MYO9B: variants seen among roughly 807,000 people sequenced by gnomAD.
MYO9B encodes the protein myosin IXB, also known as unconventional myosin-IXb.
A neutral mutation model predicts 229.5 loss-of-function variants in MYO9B; 71 were observed. The ratio of observed to expected loss-of-function variants is 0.31; its 90% CI spans 0.26 to 0.38. MYO9B has a LOEUF of 0.38. Among genes scored for constraint, MYO9B ranks in the 10% least tolerant of loss-of-function variants. MYO9B has a pLI of 1.00. For synonymous variants in MYO9B, 1,185 were observed against 1,235.8 expected, an observed-to-expected ratio of 0.96 and a Z score of 0.86; for missense variants, 2,255 against 2,920.5, an observed-to-expected ratio of 0.77 and a Z score of 5.25.
chr19:17,106,894 C>T lies in MYO9B; in HGVS notation c.840+4337C>T, dbSNP rs145215495. 1.7e-3 allele frequency among the ~76,000 whole-genome samples: 252 copies of T among 152,250 alleles called. 1 individual carries two copies. Among genetic ancestry groups the T allele is most frequent in the African/African-American group, 5.9e-3 (244 of 41,542 alleles). ...CCTGGCAAACATGGTGAAACCCCGT[C>T]TCTACTAAAAATACAAAAATTAGCC... On this transcript the variant is annotated intron_variant, in intron 2 of 39. Coordinates refer to ENST00000682292, the MANE Select transcript of MYO9B (RefSeq NM_004145.4).
chr19:17,145,552 C>G, intron 3 of MYO9B, 61 bp downstream of exon 3: 3 of 1,355,544 alleles, frequency 2.2e-6, no homozygotes, highest in Non-Finnish European at 3.2e-6. Context: ...TGCTTCCTGA[C>G]ACACACATGG....
At chr19:17,161,546 T>A (rs962382760) in intron 8 of MYO9B, among the ~76,000 whole-genome samples, 1 of 152,038 alleles carries the variant, frequency 6.6e-6, no homozygotes, top group Non-Finnish European at 1.5e-5. Context: ...CCAGGCACGG[T>A]GGCTCACGCC....
At chr19:17,164,701 C>A (rs1218222885) in intron 10 of MYO9B, among the ~76,000 whole-genome samples, 2 of 152,082 alleles carry the variant, frequency 1.3e-5, no homozygotes, top group African/African-American at 2.4e-5. Context: ...CTTTTTGCAG[C>A]TAAATAGTCA....
chr19:17,194,358 G>A (rs753706974), intron 21 of MYO9B, among the ~76,000 whole-genome samples, 198 bp from the exon 22 acceptor site: 4 of 152,128 alleles, frequency 2.6e-5, no homozygotes, highest in Non-Finnish European at 4.4e-5. Context: ...AGGGGTATCT[G>A]TGACACTGAG....
rs184930548 is a variant in MYO9B, at chr19:17,097,655, G to A, written c.-58-4005G>A. 1.3e-4 allele frequency among the ~76,000 whole-genome samples: 20 copies of A among 152,274 alleles called. No individual in the cohort carries two copies. The East Asian group carries it at 3.9e-3, about 29-fold the overall frequency. On this transcript the variant is annotated intron_variant, in intron 1 of 39. Coordinates refer to ENST00000682292, the MANE Select transcript of MYO9B (RefSeq NM_004145.4). ...CTGTCGCCACTCCCTATCCCTGTGT[G>A]AACTGTTGCCTCGGCCTCATAAGTT...
intron 2 of MYO9B, among the ~76,000 whole-genome samples, chr19:17,136,772 C>G (rs1383549146): frequency 6.6e-6 from 1 of 152,114 alleles, no homozygotes; most frequent in Non-Finnish European, 1.5e-5. Flanking sequence ...TGGGTTTCAT[C>G]AGACCCTCCA....
rs747985300 is a variant in MYO9B at position 17,206,355 on chromosome 19, G to A, written c.5365G>A (p.Gly1789Ser). 52 of 1,610,584 alleles carry A rather than the reference G, an allele frequency of 3.2e-5. No individual in the cohort carries two copies. The highest frequency in any genetic ancestry group is 3.8e-5 in the Non-Finnish European group (45 of 1,179,582). The part of the protein sequence containing the change: ...PEPLMTFAQY[G>S]DFLRAVELPE... ...GCCCCTCATGACCTTCGCACAGTACGGCGACTTCCTCCGAGCCGTCGGTGA... is the reference window on the plus strand; with the variant it reads ...GCCCCTCATGACCTTCGCACAGTACAGCGACTTCCTCCGAGCCGTCGGTGA... Residue 1789 changes from glycine to serine, a missense_variant, in exon 33 of 40, where the codon GGC becomes AGC. Physicochemically the swap from Gly to Ser is moderately conservative, Grantham distance 56. Coordinates refer to ENST00000682292, the MANE Select transcript of MYO9B (RefSeq NM_004145.4).
chr19:17,211,979 CGTCGT>C lies in MYO9B; in HGVS notation c.6144_6148del (p.Ser2049LeufsTer149). Reference sequence around the variant, plus strand: ...GTGGCCGCCCCTCCACGACGAAGGCCGTCGTCCTTCGTAACGGTCAGAGTGAAGAC... The same window carrying C: ...GTGGCCGCCCCTCCACGACGAAGGCCCCTTCGTAACGGTCAGAGTGAAGAC... On this transcript the variant is annotated frameshift_variant, in exon 40 of 40. Transcript: ENST00000682292. LOFTEE classifies it low-confidence loss of function (END_TRUNC). 6.3e-7 allele frequency: 1 copy of C among 1,595,612 alleles called. No homozygotes were observed. Among genetic ancestry groups the C allele is most frequent in the Non-Finnish European group, 8.5e-7 (1 of 1,172,024 alleles).
intron 20 of MYO9B, 117 bp from the exon 21 acceptor site, chr19:17,192,629 T>C (rs1411537276): frequency 3.1e-6 from 2 of 645,022 alleles, no homozygotes; most frequent in Non-Finnish European, 4.7e-6. Flanking sequence ...AATAAAGCCC[T>C]GGTTGGTCAG....
At chr19:17,115,145 C>T (rs1007961187) in intron 2 of MYO9B, among the ~76,000 whole-genome samples, 5 of 152,180 alleles carry the variant, frequency 3.3e-5, no homozygotes, top group South Asian at 2.1e-4. Context: ...CGTGCCACCA[C>T]GCCAGCAAGG....
rs112749647 is a variant in MYO9B at position 17,129,362 on chromosome 19, A to G, written c.841-16035A>G. Among the ~76,000 whole-genome samples, 276 of 152,298 alleles carry G rather than the reference A, an allele frequency of 1.8e-3. 1 individual carries two copies. Among genetic ancestry groups the G allele is most frequent in the African/African-American group, 6.3e-3 (262 of 41,564 alleles). On this transcript the variant is annotated intron_variant, in intron 2 of 39. Coordinates refer to ENST00000682292, the MANE Select transcript of MYO9B (RefSeq NM_004145.4). ...GGCTGCAGTGAGCCAAGATCGTGCC[A>G]CTGCACTCCAGCTTGGGCGACAGAG...
intron 34 of MYO9B, 61 bp downstream of exon 34, chr19:17,206,845 G>A: frequency 1.4e-6 from 2 of 1,405,656 alleles, no homozygotes; most frequent in Non-Finnish European, 9.9e-7. Context: ...CCGCGAGGCA[G>A]CATTTCCCAG....
intron 3 of MYO9B, among the ~76,000 whole-genome samples, chr19:17,145,726 A>G (rs746089409): frequency 6.6e-6 from 1 of 152,108 alleles, no homozygotes; most frequent in South Asian, 2.1e-4. Flanking sequence ...TTTACCGAGA[A>G]CAGGCAAGGA....
chr19:17,137,901 G>C (rs1277564190), intron 2 of MYO9B, among the ~76,000 whole-genome samples: 1 of 139,270 alleles, frequency 7.2e-6, no homozygotes, highest in Non-Finnish European at 1.5e-5. Flanking sequence ...CACCATACCT[G>C]GCTTTTTTTT....
chr19:17,117,937 C>CAAAAAAAA (rs567862829), intron 2 of MYO9B, among the ~76,000 whole-genome samples: 2 of 91,394 alleles, frequency 2.2e-5, no homozygotes, highest in South Asian at 3.7e-4. Context: ...CACTCTTCCT[C>CAAAAAAAA]AAAAAAAAAA....
intron 1 of MYO9B, among the ~76,000 whole-genome samples, chr19:17,100,711 G>A (rs1397417254): frequency 6.6e-6 from 1 of 152,092 alleles, no homozygotes; most frequent in Non-Finnish European, 1.5e-5. Flanking sequence ...TATTCCTGCA[G>A]GATGCCCCCA....
At chr19:17,112,250 C>T (rs1410624212) in intron 2 of MYO9B, among the ~76,000 whole-genome samples, 1 of 152,074 alleles carries the variant, frequency 6.6e-6, no homozygotes, top group Non-Finnish European at 1.5e-5. Context: ...CTGCTTCGGG[C>T]GTGCTAATGG....
intron 1 of MYO9B, among the ~76,000 whole-genome samples, chr19:17,098,050 C>T (rs1014965533): frequency 1.3e-5 from 2 of 150,530 alleles, no homozygotes; most frequent in Non-Finnish European, 3.0e-5. Flanking sequence ...TCAGAACCCC[C>T]CCCCCCCACC....
chr19:17,145,785 T>C (rs2072401797), intron 3 of MYO9B, among the ~76,000 whole-genome samples: 1 of 151,890 alleles, frequency 6.6e-6, no homozygotes, highest in South Asian at 2.1e-4. Context: ...TTGGTAGGTC[T>C]TGGGGGTGTC....
Sources: gnomAD v4.1 joint callset for allele counts (sites outside exome capture counted in the v4.1 genomes callset) on GRCh38, gnomAD v4.1.1 for gene constraint, MANE v1.5 for transcripts, NCBI Gene and HGNC (gene_info 2026-07-23, HGNC 2026-07-21) for gene names.